ELMO1: variants seen among roughly 807,000 people sequenced by gnomAD.
The protein encoded by ELMO1 is engulfment and cell motility 1, also known as engulfment and cell motility protein 1.
Under a neutral mutation model 98.9 loss-of-function variants are expected in ELMO1, and 26 were observed. That is an observed-to-expected ratio of 0.26 (90% CI 0.19 to 0.36). ELMO1 has a LOEUF of 0.36. ELMO1 is among the 10% of genes least tolerant of loss of function. ELMO1 has a pLI of 1.00. For missense variants in ELMO1, 627 were observed against 935.2 expected (o/e 0.67, Z 4.30); for synonymous variants, 346 against 346.0 (o/e 1.00, Z 0.00).
intron 15 of ELMO1, among the ~76,000 whole-genome samples, chr7:37,060,583 G>A (rs1796615913): frequency 6.6e-6 from 1 of 152,090 alleles, no homozygotes; most frequent in South Asian, 2.1e-4. Context: ...GGTACACCAA[G>A]TCCCAGTAAA....
chr7:36,879,199 T>C (rs1401372075), intron 18 of ELMO1, among the ~76,000 whole-genome samples: 1 of 152,244 alleles, frequency 6.6e-6, no homozygotes, highest in Non-Finnish European at 1.5e-5. Context: ...GTCTCTCCGA[T>C]GACAGTCACT....
intron 21 of ELMO1, among the ~76,000 whole-genome samples, chr7:36,860,218 C>G (rs1802513990): frequency 6.6e-6 from 1 of 152,122 alleles, no homozygotes; most frequent in Non-Finnish European, 1.5e-5. Flanking sequence ...TTTGGGGAGT[C>G]AAAAGTTATG....
chr7:37,079,936 A>G (rs1325720750), intron 15 of ELMO1, among the ~76,000 whole-genome samples: 1 of 152,170 alleles, frequency 6.6e-6, no homozygotes, highest in African/African-American at 2.4e-5. Flanking sequence ...ATCATCCCCT[A>G]AACTCCAGAC....
At chr7:37,433,123 G>A (rs1313907103) in intron 1 of ELMO1, among the ~76,000 whole-genome samples, 1 of 152,136 alleles carries the variant, frequency 6.6e-6, no homozygotes, top group Non-Finnish European at 1.5e-5. Context: ...GCAAAATTGA[G>A]GACAGCGAGA....
rs778651052 is a variant in ELMO1 at position 37,382,477 on chromosome 7, A to G, written c.-73-39714T>C. On this transcript the variant is annotated intron_variant, in intron 1 of 21. Coordinates refer to ENST00000310758, the MANE Select transcript of ELMO1 (RefSeq NM_014800.11). Reference sequence around the variant, plus strand: ...TTGAGCTGAAGGTAATTTTTTTAAAAGCAGAAACAGGACATGCTCTTGGCC... The same window carrying G: ...TTGAGCTGAAGGTAATTTTTTTAAAGGCAGAAACAGGACATGCTCTTGGCC... 8.5e-5 allele frequency among the ~76,000 whole-genome samples: 13 copies of G among 152,202 alleles called. 1 individual carries two copies. The highest frequency in any genetic ancestry group is 1.6e-4 in the Non-Finnish European group (11 of 68,040).
intron 14 of ELMO1, among the ~76,000 whole-genome samples, chr7:37,098,421 C>T (rs1554410703): frequency 6.6e-6 from 1 of 152,130 alleles, no homozygotes; most frequent in Non-Finnish European, 1.5e-5. Flanking sequence ...CAGAGAGTAA[C>T]AGGGAATGCT....
At chr7:36,950,181 G>C (rs1195455942) in intron 16 of ELMO1, among the ~76,000 whole-genome samples, 1 of 152,154 alleles carries the variant, frequency 6.6e-6, no homozygotes, top group East Asian at 1.9e-4. Context: ...CAAGGTGCCC[G>C]GGACAGCTGG....
chr7:37,039,818 A>G (rs1211322331), intron 15 of ELMO1, among the ~76,000 whole-genome samples: 1 of 152,230 alleles, frequency 6.6e-6, no homozygotes, highest in Non-Finnish European at 1.5e-5. Flanking sequence ...ATCTCTCTCT[A>G]CATGAGCAAC....
At chr7:36,898,355 G>A (rs879935250) in intron 16 of ELMO1, among the ~76,000 whole-genome samples, 1 of 152,184 alleles carries the variant, frequency 6.6e-6, no homozygotes, top group Non-Finnish European at 1.5e-5. Flanking sequence ...AAGAAAGCAC[G>A]CTCTTAGAAT....
At chr7:37,120,121 G>A (rs1018471067) in intron 14 of ELMO1, among the ~76,000 whole-genome samples, 14 of 152,196 alleles carry the variant, frequency 9.2e-5, no homozygotes, top group Admixed American at 2.0e-4. Flanking sequence ...TTATCAACTG[G>A]TTGTGTAGCA....
At position 36,853,878 on chromosome 7, in the gene ELMO1, G is replaced by A. The variant is rs569374604; in HGVS notation, c.*1673C>T. Among the ~76,000 whole-genome samples, 44 of 152,232 alleles carry A rather than the reference G, an allele frequency of 2.9e-4. No homozygotes were observed. Among genetic ancestry groups the A allele is most frequent in the African/African-American group, 9.9e-4 (41 of 41,526 alleles). ...GCAAATGACTTAAGAAACATCCTTC[G>A]CTGGGCTCTGACCTATAATTTATTA... is the stretch of plus-strand genomic sequence containing the variant. On this transcript the variant is annotated 3_prime_UTR_variant, in exon 22 of 22. Transcript: ENST00000310758.
intron 1 of ELMO1, among the ~76,000 whole-genome samples, chr7:37,410,615 T>C (rs1024977781): frequency 1.3e-5 from 2 of 152,152 alleles, no homozygotes; most frequent in African/African-American, 2.4e-5. Context: ...ATAAATGACA[T>C]ACATGGATGA....
chr7:37,371,897 G>A (rs1802130409), intron 1 of ELMO1, among the ~76,000 whole-genome samples: 1 of 152,218 alleles, frequency 6.6e-6, no homozygotes, highest in Admixed American at 6.5e-5. Context: ...GCTCCAGGGA[G>A]AGATGGGTTG....
intron 16 of ELMO1, among the ~76,000 whole-genome samples, chr7:36,921,413 G>C (rs150759664): frequency 1.3e-5 from 2 of 152,328 alleles, no homozygotes; most frequent in Non-Finnish European, 2.9e-5. Context: ...GACAAAAACA[G>C]TATCTAAAGT....
At chr7:37,115,284 G>C (rs940078545) in intron 14 of ELMO1, among the ~76,000 whole-genome samples, 1 of 151,794 alleles carries the variant, frequency 6.6e-6, no homozygotes, top group South Asian at 2.1e-4. Context: ...CAAAACCAAA[G>C]GCATAAGAAA....
At chr7:37,196,510 T>C (rs899723398) in intron 13 of ELMO1, among the ~76,000 whole-genome samples, 4 of 152,160 alleles carry the variant, frequency 2.6e-5, no homozygotes, top group Admixed American at 6.5e-5. Flanking sequence ...TCTTCATTAG[T>C]GGGAATACCA....
At chr7:37,315,023 T>A in intron 3 of ELMO1, 101 bp from the exon 4 acceptor site, 3 of 1,037,894 alleles carry the variant, frequency 2.9e-6, no homozygotes, top group Non-Finnish European at 4.3e-6. Context: ...GTGATTGGAA[T>A]TGGACCAATC....
intron 16 of ELMO1, among the ~76,000 whole-genome samples, chr7:36,911,484 G>A (rs1784338363): frequency 1.3e-5 from 2 of 152,276 alleles, no homozygotes; most frequent in African/African-American, 4.8e-5. Context: ...TGGCATAACG[G>A]CTTCCAAACG....
chr7:36,928,617 G>T (rs560865756), intron 16 of ELMO1, among the ~76,000 whole-genome samples: 4 of 152,238 alleles, frequency 2.6e-5, no homozygotes, highest in East Asian at 3.9e-4. Context: ...GGCTCTGTTT[G>T]GTTCCCACTG....
Sources: gnomAD v4.1 joint callset for allele counts (sites outside exome capture counted in the v4.1 genomes callset) on GRCh38, gnomAD v4.1.1 for gene constraint, MANE v1.5 for transcripts, NCBI Gene and HGNC (gene_info 2026-07-23, HGNC 2026-07-21) for gene names.